ZNF804B: variants seen among roughly 807,000 people sequenced by gnomAD.
The protein encoded by ZNF804B is zinc finger 804B.
Under a neutral mutation model 101.4 loss-of-function variants are expected in ZNF804B, and 80 were observed. That is an observed-to-expected ratio of 0.79 (90% CI 0.66 to 0.95). The LOEUF (loss-of-function observed/expected upper bound fraction) is 0.95. Among genes scored for constraint, ZNF804B ranks in the 40% least tolerant of loss-of-function variants. The pLI is 0.00. For missense variants in ZNF804B, 1,673 were observed against 1,561.9 expected (o/e 1.07, Z -1.20); for synonymous variants, 622 against 558.8 (o/e 1.11, Z -1.59).
intron 2 of ZNF804B, among the ~76,000 whole-genome samples, chr7:89,295,094 C>A (rs1012590840): frequency 1.3e-5 from 2 of 152,088 alleles, no homozygotes; most frequent in Admixed American, 6.6e-5. Flanking sequence ...GTTCAATATA[C>A]CTTTCCTGCC....
At chr7:88,809,304 CATCTATCTATCTATCTATCTATCT>C (rs58545685) in intron 1 of ZNF804B, among the ~76,000 whole-genome samples, 12,078 of 148,120 alleles carry the variant, frequency 0.082, 666 homozygotes, top group East Asian at 0.27. Context: ...TATTGCTTGT[CATCTATCTATCTATCTATCTATCT>C]ATCTATCTAT....
At chr7:88,781,755 A>G (rs1475723274) in intron 1 of ZNF804B, among the ~76,000 whole-genome samples, 2 of 152,158 alleles carry the variant, frequency 1.3e-5, no homozygotes, top group African/African-American at 2.4e-5. Flanking sequence ...ACAGATCCTC[A>G]AATATGAAAC....
intron 1 of ZNF804B, among the ~76,000 whole-genome samples, chr7:88,970,979 T>C (rs1793528533): frequency 7.1e-6 from 1 of 140,516 alleles, no homozygotes; most frequent in Non-Finnish European, 1.5e-5. Flanking sequence ...AATAATAAAA[T>C]TTAAAAAAAG....
chr7:89,280,716 A>G (rs1376255914), intron 2 of ZNF804B, among the ~76,000 whole-genome samples: 2 of 152,226 alleles, frequency 1.3e-5, no homozygotes, highest in Non-Finnish European at 2.9e-5. Context: ...AAGAAGTTGA[A>G]TCTCTGAATA....
intron 1 of ZNF804B, among the ~76,000 whole-genome samples, chr7:89,162,682 T>G (rs1791084902): frequency 6.6e-6 from 1 of 151,130 alleles, no homozygotes; most frequent in Non-Finnish European, 1.5e-5. Context: ...ACTTTAAGTT[T>G]TAGGGTACAT....
chr7:88,939,520 G>A (rs1477716701), intron 1 of ZNF804B, among the ~76,000 whole-genome samples: 1 of 151,730 alleles, frequency 6.6e-6, no homozygotes, highest in Non-Finnish European at 1.5e-5. Context: ...CAATTAAAAA[G>A]TAATAATAAA....
intron 1 of ZNF804B, among the ~76,000 whole-genome samples, chr7:88,980,790 C>G (rs932934705): frequency 1.3e-5 from 2 of 152,020 alleles, no homozygotes; most frequent in Non-Finnish European, 2.9e-5. Flanking sequence ...TGGGTTTCAC[C>G]TAAAGCCCAC....
intron 1 of ZNF804B, among the ~76,000 whole-genome samples, chr7:89,023,041 A>G (rs1038260071): frequency 3.3e-5 from 5 of 152,216 alleles, no homozygotes; most frequent in Non-Finnish European, 5.9e-5. Context: ...TTCAAAATCC[A>G]TAAATACCAA....
chr7:88,959,274 AG>A, intron 1 of ZNF804B, among the ~76,000 whole-genome samples: 1 of 151,542 alleles, frequency 6.6e-6, no homozygotes, highest in South Asian at 2.1e-4. Context: ...GGACTATTCA[AG>A]TGTGTTATGT....
In ZNF804B at chr7:89,093,922, A is replaced by G. The variant is rs182653019; in HGVS notation, c.109-124233A>G. ...GAGAAACCACTCAAATTGTTGTGGG[A>G]TAGCTCCCTTCACTACTGATTGGCA... On this transcript the variant is annotated intron_variant, in intron 1 of 3. Transcript: ENST00000333190. 2.2e-3 allele frequency among the ~76,000 whole-genome samples: 336 copies of G among 152,320 alleles called. 3 individuals carry two copies. Among genetic ancestry groups the G allele is most frequent in the African/African-American group, 7.7e-3 (322 of 41,572 alleles).
intron 1 of ZNF804B, among the ~76,000 whole-genome samples, chr7:89,185,647 G>C (rs1788365443): frequency 6.6e-6 from 1 of 152,134 alleles, no homozygotes; most frequent in South Asian, 2.1e-4. Context: ...GATCAACTGA[G>C]GTTGGGAGTT....
intron 1 of ZNF804B, among the ~76,000 whole-genome samples, chr7:89,177,420 G>A (rs1791338029): frequency 1.3e-5 from 2 of 152,234 alleles, no homozygotes; most frequent in African/African-American, 4.8e-5. Flanking sequence ...CGTTTGTATA[G>A]TTTCTGAAGT....
intron 1 of ZNF804B, among the ~76,000 whole-genome samples, chr7:89,115,911 T>G (rs1032747928): frequency 4.0e-5 from 6 of 150,738 alleles, no homozygotes; most frequent in Non-Finnish European, 8.9e-5. Context: ...TTTGTTTTTT[T>G]TTTTCTTTTT....
At chr7:88,802,632 TA>T (rs1790608982) in intron 1 of ZNF804B, among the ~76,000 whole-genome samples, 1 of 151,852 alleles carries the variant, frequency 6.6e-6, no homozygotes, top group African/African-American at 2.4e-5. Context: ...TTTAAGAAAA[TA>T]ATTTGCCTAT....
intron 1 of ZNF804B, among the ~76,000 whole-genome samples, chr7:88,952,984 T>C (rs551144987): frequency 1.3e-5 from 2 of 151,842 alleles, no homozygotes; most frequent in African/African-American, 4.8e-5. Context: ...TAACCTATTA[T>C]ATAAAAAGAC....
At chr7:89,187,371 A>G (rs1195621512) in intron 1 of ZNF804B, among the ~76,000 whole-genome samples, 4 of 152,184 alleles carry the variant, frequency 2.6e-5, no homozygotes, top group Non-Finnish European at 5.9e-5. Flanking sequence ...CAGTAAAATC[A>G]TTACATTTTA....
intron 1 of ZNF804B, among the ~76,000 whole-genome samples, chr7:88,845,951 GAAAGA>G (rs1791366890): frequency 1.3e-5 from 2 of 152,158 alleles, no homozygotes; most frequent in Admixed American, 1.3e-4. Flanking sequence ...GGAAAAAAAG[GAAAGA>G]AAAGGGGAGA....
chr7:89,117,376 C>T lies in ZNF804B; in HGVS notation c.109-100779C>T, dbSNP rs111588720. 9.3e-3 allele frequency among the ~76,000 whole-genome samples: 1,409 copies of T among 152,282 alleles called. 14 individuals are homozygous for T. The highest frequency in any genetic ancestry group is 0.032 in the African/African-American group (1,322 of 41,562). Reference sequence around the variant, plus strand: ...TGGGTTAAGTTAAGCCAATATAATTCTCATATGTCTCTTCCAAATTCAGTA... The same window carrying T: ...TGGGTTAAGTTAAGCCAATATAATTTTCATATGTCTCTTCCAAATTCAGTA... On this transcript the variant is annotated intron_variant, in intron 1 of 3. Transcript: ENST00000333190.
At chr7:88,823,048 A>G (rs574751655) in intron 1 of ZNF804B, among the ~76,000 whole-genome samples, 67 of 152,206 alleles carry the variant, frequency 4.4e-4, no homozygotes, top group Non-Finnish European at 7.9e-4. Flanking sequence ...ATCTCTACAA[A>G]AAAATACAAA....
Sources: allele counts gnomAD v4.1 joint callset (sites outside exome capture counted in the v4.1 genomes callset), GRCh38; gene constraint gnomAD v4.1.1; transcripts MANE v1.5; gene names NCBI Gene and HGNC (gene_info 2026-07-23, HGNC 2026-07-21).